Variants in MAML2 observed in about 807,000 individuals in gnomAD.
MAML2 encodes the protein mastermind like transcriptional coactivator 2, also known as mastermind-like protein 2.
A neutral mutation model predicts 96.1 loss-of-function variants in MAML2; 22 were observed. The ratio of observed to expected loss-of-function variants is 0.23; its 90% confidence interval spans 0.16 to 0.33. The LOEUF (loss-of-function observed/expected upper bound fraction) is 0.33. Among genes scored for constraint, MAML2 ranks in the 10% least tolerant of loss-of-function variants. The pLI, the probability that MAML2 is intolerant of heterozygous loss-of-function variation, is 1.00. For synonymous variants in MAML2, 561 were observed against 521.3 expected (o/e 1.08, Z -1.04); for missense variants, 1,367 against 1,392.4 (o/e 0.98, Z 0.29).
chr11:96,180,692 CA>C (rs1861469576), intron 1 of MAML2, among the ~76,000 whole-genome samples: 1 of 152,108 alleles, frequency 6.6e-6, no homozygotes, highest in East Asian at 1.9e-4. Context: ...TGCTTGAAAC[CA>C]GTAGGTTTTG....
chr11:96,103,753 C>CT lies in MAML2; in HGVS notation c.514-10237dup, dbSNP rs150036906. Among the ~76,000 whole-genome samples, 1,062 of 152,238 alleles carry CT rather than the reference C, an allele frequency of 7.0e-3. 14 individuals are homozygous for CT. The highest frequency in any genetic ancestry group is 0.024 in the African/African-American group (1,001 of 41,514). ...TAAGCGCGGTAAGCAATCAAGTATT[C>CT]TCCATCTACATTCAGTGACTCTGAC... is the stretch of plus-strand genomic sequence containing the variant. On this transcript the variant is annotated intron_variant, in intron 1 of 4. Coordinates refer to ENST00000524717, the MANE Select transcript of MAML2 (RefSeq NM_032427.4).
At chr11:96,339,920 G>A (rs571713506) in intron 1 of MAML2, among the ~76,000 whole-genome samples, 2 of 152,214 alleles carry the variant, frequency 1.3e-5, no homozygotes, top group Non-Finnish European at 2.9e-5. Flanking sequence ...AGGCTTCGAA[G>A]CTCTAATACA....
intron 2 of MAML2, among the ~76,000 whole-genome samples, chr11:96,091,611 T>C (rs1859706695): frequency 6.6e-6 from 1 of 152,182 alleles, no homozygotes; most frequent in African/African-American, 2.4e-5. Context: ...CAACTGGATA[T>C]GTCACTAACA....
At chr11:96,090,213 C>T (rs1001556611) in intron 2 of MAML2, among the ~76,000 whole-genome samples, 1 of 152,044 alleles carries the variant, frequency 6.6e-6, no homozygotes, top group African/African-American at 2.4e-5. Context: ...AGATAATTCT[C>T]TTTTATTTAT....
chr11:96,299,517 T>A (rs992611082), intron 1 of MAML2, among the ~76,000 whole-genome samples: 1 of 151,836 alleles, frequency 6.6e-6, no homozygotes, highest in African/African-American at 2.4e-5. Flanking sequence ...CACCTCAGGG[T>A]TTTTCTCTAG....
intron 2 of MAML2, among the ~76,000 whole-genome samples, chr11:96,032,667 TAAAC>T (rs1305804549): frequency 7.3e-5 from 11 of 151,690 alleles, no homozygotes; most frequent in African/African-American, 9.7e-5. Flanking sequence ...GGTGAATAGA[TAAAC>T]AAACTATCAT....
chr11:96,256,579 G>C (rs987765491), intron 1 of MAML2, among the ~76,000 whole-genome samples: 1 of 152,144 alleles, frequency 6.6e-6, no homozygotes, highest in African/African-American at 2.4e-5. Flanking sequence ...TGTTCTCTGA[G>C]CCTTATCACA....
chr11:96,341,490 G>T lies in MAML2; in HGVS notation c.406C>A (p.Gln136Lys), dbSNP rs1321276953. The part of the protein sequence containing the change: ...PPPDYHHHHQ[Q>K]HLLNSSNNGG... ...TTATTGCTACTGTTCAGCAGGTGCT[G>T]CTGGTGGTGATGGTGATAGTCTGGT... is the stretch of plus-strand genomic sequence containing the variant. Residue 136 changes from glutamine to lysine, a missense_variant, in exon 1 of 5, where the codon CAG becomes AAG. By Grantham distance (53) the Gln-to-Lys change is moderately conservative. Coordinates refer to ENST00000524717, the MANE Select transcript of MAML2 (RefSeq NM_032427.4). 1 of 1,551,526 alleles carries T rather than the reference G, an allele frequency of 6.4e-7. No homozygotes were observed. Among genetic ancestry groups the T allele is most frequent in the Admixed American group, 2.0e-5 (1 of 50,990 alleles).
chr11:96,139,688 T>A (rs1052021459), intron 1 of MAML2, among the ~76,000 whole-genome samples: 1 of 152,090 alleles, frequency 6.6e-6, no homozygotes, highest in Non-Finnish European at 1.5e-5. Context: ...CTCTCCCCTT[T>A]ACCTACTCAT....
chr11:96,158,918 C>A (rs1324788406), intron 1 of MAML2, among the ~76,000 whole-genome samples: 1 of 152,002 alleles, frequency 6.6e-6, no homozygotes, highest in Non-Finnish European at 1.5e-5. Context: ...TGTGAAAATC[C>A]CAAAAGGTGT....
chr11:96,340,296 C>A (rs574741523), intron 1 of MAML2, among the ~76,000 whole-genome samples: 2 of 152,212 alleles, frequency 1.3e-5, no homozygotes, highest in East Asian at 3.9e-4. Flanking sequence ...CATTTCCTGT[C>A]GCTTTTGCTA....
intron 2 of MAML2, among the ~76,000 whole-genome samples, chr11:96,062,251 C>A (rs1214916722): frequency 6.6e-6 from 1 of 152,104 alleles, no homozygotes; most frequent in Non-Finnish European, 1.5e-5. Context: ...AGTGCCTCAA[C>A]CTCATATTGC....
intron 1 of MAML2, among the ~76,000 whole-genome samples, chr11:96,099,213 G>A (rs950798959): frequency 1.3e-5 from 2 of 152,126 alleles, no homozygotes; most frequent in Admixed American, 1.3e-4. Flanking sequence ...TTAGAGATAG[G>A]ACTGGGGATA....
intron 1 of MAML2, among the ~76,000 whole-genome samples, chr11:96,309,904 T>A (rs1479024395): frequency 1.3e-5 from 2 of 151,992 alleles, no homozygotes; most frequent in Non-Finnish European, 2.9e-5. Flanking sequence ...GTTTTTGCCA[T>A]GTTGACTAGG....
intron 4 of MAML2, among the ~76,000 whole-genome samples, chr11:95,984,906 G>A (rs1277205459): frequency 6.6e-6 from 1 of 152,164 alleles, no homozygotes; most frequent in Non-Finnish European, 1.5e-5. Flanking sequence ...AATATAGGCT[G>A]GGTTTGGGAA....
intron 1 of MAML2, among the ~76,000 whole-genome samples, chr11:96,226,310 A>C (rs548103856): frequency 6.6e-6 from 1 of 152,352 alleles, no homozygotes; most frequent in East Asian, 1.9e-4. Context: ...AAACAGCTTC[A>C]GGCTTTGAAA....
intron 1 of MAML2, among the ~76,000 whole-genome samples, chr11:96,211,459 A>G (rs1861970549): frequency 6.6e-6 from 1 of 151,788 alleles, no homozygotes; most frequent in Admixed American, 6.6e-5. Flanking sequence ...AAAAAAAAAA[A>G]AAGAAAAGCC....
Position 95,997,119 on chromosome 11 carries a change from A to T in MAML2, c.2140-5396T>A, listed in dbSNP as rs190283085. 4.1e-3 allele frequency among the ~76,000 whole-genome samples: 620 copies of T among 152,288 alleles called. 5 individuals are homozygous for T. In the Middle Eastern group the frequency reaches 0.041, roughly 10 times the overall value. On this transcript the variant is annotated intron_variant, in intron 2 of 4. Transcript: ENST00000524717. ...TAGTCAATGACTGGTTCAAATCATG[A>T]ACTTGCATGATCTTTCATTTTACAT... is the stretch of plus-strand genomic sequence containing the variant.
chr11:96,271,001 T>C (rs1300053621), intron 1 of MAML2, among the ~76,000 whole-genome samples: 1 of 152,208 alleles, frequency 6.6e-6, no homozygotes, highest in African/African-American at 2.4e-5. Flanking sequence ...ATCTTTCTCC[T>C]GTGCTGGATG....
Sources: gnomAD v4.1 joint callset for allele counts (sites outside exome capture counted in the v4.1 genomes callset) on GRCh38, gnomAD v4.1.1 for gene constraint, MANE v1.5 for transcripts, NCBI Gene and HGNC (gene_info 2026-07-23, HGNC 2026-07-21) for gene names.